The following RPH3A variants were observed in gnomAD, a reference collection of about 807,000 sequenced individuals.
RPH3A encodes the protein rabphilin-3A.
RPH3A carries 48 observed loss-of-function variants against 102.2 expected under a neutral mutation model. The ratio of observed to expected loss-of-function variants is 0.47; its 90% CI spans 0.37 to 0.60. The LOEUF is 0.60. RPH3A is among the 20% of genes least tolerant of loss of function. RPH3A has a pLI of 0.00. For missense variants in RPH3A, 781 were observed against 910.1 expected, an observed-to-expected ratio of 0.86 and a Z score of 1.83; for synonymous variants, 310 against 324.3, an observed-to-expected ratio of 0.96 and a Z score of 0.47.
intron 1 of RPH3A, among the ~76,000 whole-genome samples, chr12:112,667,662 A>AAGAGAGAGAG (rs71086114): frequency 2.2e-4 from 16 of 72,832 alleles, no homozygotes; most frequent in Non-Finnish European, 3.5e-4. Flanking sequence ...GAGATGAATA[A>AAGAGAGAGAG]AGAGAGAGAG....
intron 1 of RPH3A, among the ~76,000 whole-genome samples, chr12:112,740,741 A>C (rs1431307566): frequency 6.6e-6 from 1 of 152,208 alleles, no homozygotes; most frequent in Non-Finnish European, 1.5e-5. Flanking sequence ...TTAACACCAC[A>C]GTTCAGCAGC....
intron 2 of RPH3A, among the ~76,000 whole-genome samples, chr12:112,794,557 G>T (rs1397791172): frequency 6.6e-6 from 1 of 152,160 alleles, no homozygotes; most frequent in Non-Finnish European, 1.5e-5. Context: ...AGGCTCCAAA[G>T]AGACTCTTCT....
chr12:112,801,351 C>G (rs2041349601), intron 2 of RPH3A, among the ~76,000 whole-genome samples: 1 of 152,230 alleles, frequency 6.6e-6, no homozygotes. Context: ...AGCAGGCTTG[C>G]CTTTCAGATA....
At chr12:112,764,167 A>C (rs1168104579) in intron 1 of RPH3A, among the ~76,000 whole-genome samples, 1 of 152,208 alleles carries the variant, frequency 6.6e-6, no homozygotes, top group African/African-American at 2.4e-5. Flanking sequence ...ACAGGAGAAA[A>C]GGCATACAAA....
chr12:112,578,769 C>G (rs190015356), intron 1 of RPH3A, among the ~76,000 whole-genome samples: 2 of 152,328 alleles, frequency 1.3e-5, no homozygotes, highest in East Asian at 3.9e-4. Context: ...ATGTCAACAA[C>G]TGAAGCAGGC....
intron 1 of RPH3A, among the ~76,000 whole-genome samples, chr12:112,583,748 G>C (rs1241632392): frequency 3.3e-5 from 5 of 152,174 alleles, no homozygotes; most frequent in Non-Finnish European, 7.3e-5. Context: ...ACTTTGGGAG[G>C]CTGAGGTGGG....
At chr12:112,887,743 G>T (rs1388874005) in intron 16 of RPH3A, 54 bp from the exon 17 acceptor site, 50 of 1,585,266 alleles carry the variant, frequency 3.2e-5, no homozygotes, top group Non-Finnish European at 4.1e-5. Flanking sequence ...GGCACACAGT[G>T]GTGTCTTAAT....
chr12:112,728,848 A>G (rs1283831706), intron 1 of RPH3A, among the ~76,000 whole-genome samples: 4 of 152,146 alleles, frequency 2.6e-5, no homozygotes, highest in African/African-American at 7.2e-5. Context: ...CCATTTCTCT[A>G]ATGAAAGTTT....
intron 1 of RPH3A, among the ~76,000 whole-genome samples, chr12:112,579,243 TC>T (rs2039379990): frequency 6.6e-6 from 1 of 152,136 alleles, no homozygotes; most frequent in African/African-American, 2.4e-5. Context: ...ATTTGTGGTC[TC>T]CCCCTCATGT....
chr12:112,599,042 G>C (rs1162700999), intron 1 of RPH3A, among the ~76,000 whole-genome samples: 2 of 152,174 alleles, frequency 1.3e-5, no homozygotes, highest in Admixed American at 1.3e-4. Flanking sequence ...GTTCCGCAGT[G>C]CAGCCATTAA....
intron 18 of RPH3A, among the ~76,000 whole-genome samples, chr12:112,890,519 GAATCT>G (rs919873020): frequency 2.0e-5 from 3 of 152,218 alleles, no homozygotes; most frequent in African/African-American, 7.2e-5. Context: ...TCAGAGGCAA[GAATCT>G]GTCTGGGGCC....
chr12:112,603,318 A>G (rs1057389852), intron 1 of RPH3A, among the ~76,000 whole-genome samples: 5 of 152,326 alleles, frequency 3.3e-5, no homozygotes, highest in Admixed American at 2.6e-4. Context: ...TTTACTGGAA[A>G]GGGATCTCAT....
At chr12:112,766,929 T>C (rs2040893844) in intron 1 of RPH3A, among the ~76,000 whole-genome samples, 1 of 152,152 alleles carries the variant, frequency 6.6e-6, no homozygotes, top group Admixed American at 6.5e-5. Context: ...CATGTGTGGC[T>C]GGGGCCCCAG....
intron 1 of RPH3A, among the ~76,000 whole-genome samples, chr12:112,688,132 T>C (rs1483512091): frequency 2.0e-5 from 3 of 152,224 alleles, no homozygotes; most frequent in African/African-American, 7.2e-5. Context: ...TAACGTGTTG[T>C]TGAAAGAACA....
intron 1 of RPH3A, among the ~76,000 whole-genome samples, chr12:112,592,604 C>A (rs1482037957): frequency 6.6e-6 from 1 of 152,214 alleles, no homozygotes; most frequent in African/African-American, 2.4e-5. Context: ...TAGGCATGAG[C>A]CACTGTCCCT....
chr12:112,575,826 C>A (rs1249332086), intron 1 of RPH3A, among the ~76,000 whole-genome samples: 1 of 152,138 alleles, frequency 6.6e-6, no homozygotes, highest in Non-Finnish European at 1.5e-5. Context: ...CTGATTTTTA[C>A]CCGCATCCTC....
At chr12:112,869,474 C>A in intron 8 of RPH3A, 1 of 379,566 alleles carries the variant, frequency 2.6e-6, no homozygotes, top group Non-Finnish European at 4.7e-6. Flanking sequence ...CCAGTTTTCA[C>A]CACTAAAATA....
chr12:112,645,374 G>A (rs1218811004), intron 1 of RPH3A, among the ~76,000 whole-genome samples: 2 of 152,228 alleles, frequency 1.3e-5, no homozygotes, highest in East Asian at 3.9e-4. Flanking sequence ...TTATCTATGT[G>A]GCTTTTTCTA....
At chr12:112,723,654 C>T (rs192286592) in intron 1 of RPH3A, among the ~76,000 whole-genome samples, 159 of 152,266 alleles carry the variant, frequency 1.0e-3, no homozygotes, top group African/African-American at 3.7e-3. Context: ...CCACGAGAAC[C>T]GCTAGAGATC....
Sources: gnomAD v4.1 joint callset for allele counts (sites outside exome capture counted in the v4.1 genomes callset) on GRCh38, gnomAD v4.1.1 for gene constraint, MANE v1.5 for transcripts, NCBI Gene and HGNC (gene_info 2026-07-23, HGNC 2026-07-21) for gene names.